ARHGEF10L: variants seen among roughly 807,000 people sequenced by gnomAD.
The protein encoded by ARHGEF10L is Rho guanine nucleotide exchange factor 10 like.
In ARHGEF10L, 69 loss-of-function variants were observed where a neutral mutation model predicts 141.2. The ratio of observed to expected loss-of-function variants is 0.49; its 90% CI spans 0.40 to 0.60. ARHGEF10L has a LOEUF of 0.60. ARHGEF10L is among the 20% of genes least tolerant of loss of function. The pLI is 0.00. For missense variants in ARHGEF10L, 1,482 were observed against 1,734.3 expected (o/e 0.85, Z 2.58); for synonymous variants, 711 against 718.5 (o/e 0.99, Z 0.17).
chr1:17,618,360 C>T (rs1389776179), intron 9 of ARHGEF10L: 2 of 1,530,424 alleles, frequency 1.3e-6, no homozygotes, highest in Non-Finnish European at 8.8e-7. Flanking sequence ...AAGAATGTTA[C>T]CCAGCAGCTC....
At chr1:17,599,259 C>A (rs1255850213) in intron 4 of ARHGEF10L, among the ~76,000 whole-genome samples, 1 of 151,746 alleles carries the variant, frequency 6.6e-6, no homozygotes, top group African/African-American at 2.4e-5. Context: ...TTGCTTAAAT[C>A]CAGGAGGTAG....
At chr1:17,685,829 T>C (rs918075292) in intron 26 of ARHGEF10L, among the ~76,000 whole-genome samples, 2 of 152,236 alleles carry the variant, frequency 1.3e-5, no homozygotes, top group Admixed American at 6.5e-5. Context: ...GGCCTGGGCC[T>C]GTGAAGCTGC....
Position 17,627,346 on chromosome 1 carries a change from C to A in ARHGEF10L, c.1427C>A (p.Thr476Asn). ...ILLLQDMLKNTPRGHPDRLSL... is the reference protein window; with the variant it reads ...ILLLQDMLKNNPRGHPDRLSL... ...ACCTGGCAGGACATGCTGAAGAACA[C>A]CCCCAGGGGCCATCCGGACAGGCTG... The change falls in exon 15 of 29, where the codon ACC becomes AAC. Residue 476 changes from threonine (T) to asparagine (N), a missense_variant. Coordinates refer to ENST00000361221, the MANE Select transcript of ARHGEF10L (RefSeq NM_018125.4). This position sits in a 1 kb window ranked among gnomAD's most constrained non-coding sequence, Gnocchi z 4.0. 1 of 1,613,948 alleles carries A rather than the reference C, an allele frequency of 6.2e-7. No homozygotes were observed. Among genetic ancestry groups the A allele is most frequent in the Non-Finnish European group, 8.5e-7 (1 of 1,179,946 alleles).
chr1:17,688,376 C>T (rs182708807), intron 27 of ARHGEF10L, among the ~76,000 whole-genome samples: 18 of 152,328 alleles, frequency 1.2e-4, no homozygotes, highest in Admixed American at 9.2e-4. Flanking sequence ...AATTGGCTCT[C>T]AGCCTTTCGT....
At chr1:17,562,557 C>T (rs1035137154) in intron 1 of ARHGEF10L, among the ~76,000 whole-genome samples, 1 of 152,232 alleles carries the variant, frequency 6.6e-6, no homozygotes, top group Non-Finnish European at 1.5e-5. Context: ...TGACAGTGAG[C>T]ATTCATTTAT....
intron 4 of ARHGEF10L, among the ~76,000 whole-genome samples, chr1:17,590,357 C>G (rs971390867): frequency 6.6e-6 from 1 of 151,970 alleles, no homozygotes; most frequent in Admixed American, 6.6e-5. Flanking sequence ...TTCCATAGGT[C>G]CCTCCCGGGG....
chr1:17,662,149 C>T (rs971314085), intron 25 of ARHGEF10L, among the ~76,000 whole-genome samples: 7 of 152,104 alleles, frequency 4.6e-5, no homozygotes, highest in Non-Finnish European at 7.3e-5. Flanking sequence ...TATTTAAACT[C>T]GCTGTGTCTC....
chr1:17,681,387 T>G (rs1180511175), intron 26 of ARHGEF10L, among the ~76,000 whole-genome samples: 1 of 152,216 alleles, frequency 6.6e-6, no homozygotes, highest in Non-Finnish European at 1.5e-5. Flanking sequence ...CAAAATATCT[T>G]TCAGAGCTAC....
chr1:17,638,172 C>G (rs2061123772), intron 19 of ARHGEF10L, among the ~76,000 whole-genome samples, 169 bp downstream of exon 19: 1 of 152,252 alleles, frequency 6.6e-6, no homozygotes, highest in Admixed American at 6.5e-5. Flanking sequence ...ATGTCCCTGC[C>G]TGGAAGTCTC....
Position 17,557,584 on chromosome 1 carries a change from G to A in ARHGEF10L, c.-44+17634G>A, listed in dbSNP as rs115089321. Among the ~76,000 whole-genome samples the A allele has an allele frequency of 7.0e-3, 1,064 of 152,322 alleles. 11 individuals are homozygous for A. The highest frequency in any genetic ancestry group is 0.024 in the African/African-American group (1,005 of 41,562). On this transcript the variant is annotated intron_variant, in intron 1 of 28. Coordinates refer to ENST00000361221, the MANE Select transcript of ARHGEF10L (RefSeq NM_018125.4). ...GAGCCTCATCCTTAGAGATTCTGAA[G>A]CAGCAGATCTCGGCTGGGACCGCGG...
intron 27 of ARHGEF10L, chr1:17,694,388 CTGGA>C: frequency 6.3e-6 from 1 of 157,788 alleles, no homozygotes; most frequent in Admixed American, 5.9e-5. Context: ...GCACCTGGCT[CTGGA>C]GCCCTGTTCT....
intron 10 of ARHGEF10L, among the ~76,000 whole-genome samples, chr1:17,620,222 AAT>A (rs1491528520): frequency 6.6e-6 from 1 of 151,488 alleles, no homozygotes; most frequent in Admixed American, 6.6e-5. Context: ...AAAAAAAAAA[AAT>A]GGCTTCCTTC....
chr1:17,653,238 C>A (rs539566286), intron 22 of ARHGEF10L, among the ~76,000 whole-genome samples: 15 of 152,322 alleles, frequency 9.8e-5, no homozygotes, highest in African/African-American at 3.6e-4. Flanking sequence ...GGGCTGGAGC[C>A]GTGTTGGCTG....
At chr1:17,579,741 G>T (rs950519411) in intron 1 of ARHGEF10L, among the ~76,000 whole-genome samples, 3 of 152,186 alleles carry the variant, frequency 2.0e-5, no homozygotes, top group African/African-American at 7.2e-5. Context: ...CCTCCAGGGT[G>T]CATTCTCTCC....
At chr1:17,551,074 T>C (rs2077095019) in intron 1 of ARHGEF10L, among the ~76,000 whole-genome samples, 1 of 151,934 alleles carries the variant, frequency 6.6e-6, no homozygotes, top group African/African-American at 2.4e-5. Context: ...GAGTGAGGAT[T>C]CACACCAAGG....
At chr1:17,640,817 C>T (rs752983584) in intron 21 of ARHGEF10L, among the ~76,000 whole-genome samples, 63 of 152,162 alleles carry the variant, frequency 4.1e-4, no homozygotes, top group Non-Finnish European at 7.4e-4. Flanking sequence ...CCAAAGACCT[C>T]GTTACTATGT....
intron 1 of ARHGEF10L, among the ~76,000 whole-genome samples, chr1:17,570,849 GGT>G (rs74708897): frequency 0.1 from 15,503 of 152,038 alleles, 1,137 homozygotes; most frequent in East Asian, 0.38. Context: ...GTGGGCCCTG[GGT>G]GTGAGACAGA....
chr1:17,632,414 C>G lies in ARHGEF10L; in HGVS notation c.1678C>G (p.Arg560Gly), dbSNP rs779955786. 1 of 1,614,182 alleles carries G rather than the reference C, an allele frequency of 6.2e-7. No individual in the cohort carries two copies. ...DRGQLIKSKE[R>G]RVFLLNDMLV... ...CGGGCAGCTAATTAAGTCCAAGGAG[C>G]GTCGGGTCTTCCTGCTCAACGACAT... The change falls in exon 16 of 29, where the codon CGT (arginine) becomes GGT (glycine). Residue 560 changes from arginine (R) to glycine (G), a missense_variant. Physicochemically the swap from Arg to Gly is moderately radical, Grantham distance 125. Transcript: ENST00000361221.
chr1:17,602,953 C>T (rs2080830633), intron 5 of ARHGEF10L, among the ~76,000 whole-genome samples: 1 of 151,830 alleles, frequency 6.6e-6, no homozygotes, highest in Admixed American at 6.6e-5. Flanking sequence ...GAGAGGTGGG[C>T]AGGCCTGGGA....
Sources: allele counts gnomAD v4.1 joint callset (sites outside exome capture counted in the v4.1 genomes callset), GRCh38; gene constraint gnomAD v4.1.1; non-coding constraint Gnocchi (gnomAD v3.1); transcripts MANE v1.5; gene names NCBI Gene and HGNC (gene_info 2026-07-23, HGNC 2026-07-21).